Variants in ANKRD6 observed in about 807,000 individuals in gnomAD.
The protein encoded by ANKRD6 is ankyrin repeat domain 6.
A neutral mutation model predicts 82.3 loss-of-function variants in ANKRD6; 56 were observed. The ratio of observed to expected loss-of-function variants is 0.68; its 90% CI spans 0.55 to 0.85. The LOEUF (loss-of-function observed/expected upper bound fraction) is 0.85, where lower values mean the gene tolerates loss of function less well. Ranked by LOEUF, ANKRD6 falls within the 40% of genes least tolerant of loss-of-function variation. The pLI, the probability that ANKRD6 is intolerant of heterozygous loss-of-function variation, is 0.00. For missense variants in ANKRD6, 852 were observed against 907.6 expected (o/e 0.94, Z 0.79); for synonymous variants, 347 against 352.1 (o/e 0.99, Z 0.16).
At position 89,589,874 on chromosome 6, in the gene ANKRD6, C is replaced by T. The variant is rs548531310; in HGVS notation, c.121-6042C>T. On this transcript the variant is annotated intron_variant, in intron 2 of 15. Coordinates refer to ENST00000339746, the MANE Select transcript of ANKRD6 (RefSeq NM_001242809.2). ...GAAGCAAGGCCCTGAGTCTGTGCCT[C>T]TTCCTGATTGGATCAGAGGGAGATG... 1.1e-4 allele frequency among the ~76,000 whole-genome samples: 16 copies of T among 152,268 alleles called. No individual in the cohort carries two copies. In the South Asian group the frequency reaches 2.9e-3, roughly 28 times the overall value.
chr6:89,531,167 C>T (rs13209503), intron 1 of ANKRD6, among the ~76,000 whole-genome samples: 25,793 of 152,172 alleles, frequency 0.17, 2,529 homozygotes, highest in East Asian at 0.22. Flanking sequence ...TGCCAGTGCG[C>T]GGAAGGTGCG....
intron 1 of ANKRD6, among the ~76,000 whole-genome samples, chr6:89,498,394 G>A (rs1377870094): frequency 6.6e-6 from 1 of 152,016 alleles, no homozygotes; most frequent in Admixed American, 6.6e-5. Context: ...TATGTTTAAG[G>A]CACTACCTAT....
chr6:89,618,826 T>C (rs887219242), intron 9 of ANKRD6, among the ~76,000 whole-genome samples: 3 of 152,250 alleles, frequency 2.0e-5, no homozygotes, highest in Non-Finnish European at 4.4e-5. Flanking sequence ...ATTATTTTTG[T>C]TGCTATTAAT....
chr6:89,624,056 A>G lies in ANKRD6; in HGVS notation c.1217A>G (p.Gln406Arg), dbSNP rs1804663914. The change falls in exon 12 of 16, where the codon CAG becomes CGG. Residue 406 changes from glutamine (Q) to arginine (R), a missense_variant and splice_region_variant. By Grantham distance (43) the Gln-to-Arg change is conservative. Transcript: ENST00000339746. ...CGGGGCAAGGATGGGAAAGTGATGC[A>G]GGTACCTGCAAAGCAGTGTCAGGAG... ...LYRGKDGKVM[Q>R]APINGCRCEP... The G allele has an allele frequency of 6.2e-7, 1 of 1,607,852 alleles. No individual in the cohort carries two copies. Among genetic ancestry groups the G allele is most frequent in the Admixed American group, 1.7e-5 (1 of 58,946 alleles).
chr6:89,462,233 AAATAATAATAAT>A (rs200608840), intron 1 of ANKRD6, among the ~76,000 whole-genome samples: 4 of 106,036 alleles, frequency 3.8e-5, no homozygotes, highest in Non-Finnish European at 5.9e-5. Context: ...CTCCATCTCA[AAATAATAATAAT>A]AATAATAATA....
At chr6:89,614,620 T>C (rs79069488) in intron 7 of ANKRD6, among the ~76,000 whole-genome samples, 6,167 of 152,228 alleles carry the variant, frequency 0.041, 207 homozygotes, top group South Asian at 0.15. Context: ...TACTACAACC[T>C]GGGCAACAGA....
chr6:89,554,888 G>C (rs1386644917), intron 1 of ANKRD6, among the ~76,000 whole-genome samples: 2 of 152,150 alleles, frequency 1.3e-5, no homozygotes, highest in Non-Finnish European at 2.9e-5. Flanking sequence ...ATAACTTCTT[G>C]TTCTCAAAAG....
At chr6:89,519,729 C>A (rs1336997638) in intron 1 of ANKRD6, among the ~76,000 whole-genome samples, 2 of 152,146 alleles carry the variant, frequency 1.3e-5, no homozygotes, top group African/African-American at 2.4e-5. Context: ...ATTTTAAATT[C>A]TTGATAAATG....
In ANKRD6 at chr6:89,626,946, T is replaced by C. The variant is rs1273421331; in HGVS notation, c.1372-637T>C. 5.9e-5 allele frequency among the ~76,000 whole-genome samples: 9 copies of C among 152,368 alleles called. No individual in the cohort carries two copies. The East Asian group carries it at 1.3e-3, about 23-fold the overall frequency. On this transcript the variant is annotated intron_variant, in intron 13 of 15. Transcript: ENST00000339746. The stretch of plus-strand genomic sequence containing the variant: ...GATAAAAGCTCATTTTACTGCCTTG[T>C]AGGCAACCACTAACATTTTTTAAAG...
intron 1 of ANKRD6, among the ~76,000 whole-genome samples, chr6:89,437,059 T>C (rs541629957): frequency 1.2e-4 from 18 of 152,326 alleles, no homozygotes; most frequent in South Asian, 2.1e-4. Context: ...CCCAAAATTA[T>C]GTATAAGTAT....
rs77137840 is a variant in ANKRD6 at position 89,584,142 on chromosome 6, G to A, written c.121-11774G>A. Among the ~76,000 whole-genome samples the A allele has an allele frequency of 2.1e-3, 317 of 152,300 alleles. 2 individuals are homozygous for A. The highest frequency in any genetic ancestry group is 3.5e-3 in the Non-Finnish European group (237 of 68,032). ...TATTGTGGCACAGCTGGGTGTCAGC[G>A]TTTAAAAATCCTCCCTAAATACCTG... On this transcript the variant is annotated intron_variant, in intron 2 of 15. Coordinates refer to ENST00000339746, the MANE Select transcript of ANKRD6 (RefSeq NM_001242809.2).
chr6:89,608,683 T>G (rs746979246), intron 5 of ANKRD6, among the ~76,000 whole-genome samples: 1 of 152,126 alleles, frequency 6.6e-6, no homozygotes, highest in Non-Finnish European at 1.5e-5. Context: ...GAGAGCATAG[T>G]TAAGCAAGCC....
chr6:89,585,620 T>C (rs1046569632), intron 2 of ANKRD6, among the ~76,000 whole-genome samples: 1 of 152,216 alleles, frequency 6.6e-6, no homozygotes, highest in East Asian at 1.9e-4. Context: ...TAGAAAGTAC[T>C]AGGGCCGGCC....
intron 1 of ANKRD6, among the ~76,000 whole-genome samples, chr6:89,480,885 T>C (rs1164343854): frequency 2.3e-5 from 3 of 130,976 alleles, no homozygotes; most frequent in Non-Finnish European, 4.6e-5. Context: ...GAGGCTACAG[T>C]GAGCCATCAT....
chr6:89,584,413 TTTTC>T (rs1793268028), intron 2 of ANKRD6, among the ~76,000 whole-genome samples: 1 of 152,250 alleles, frequency 6.6e-6, no homozygotes, highest in Non-Finnish European at 1.5e-5. Context: ...CTTCTTTTTC[TTTTC>T]TTTCTTTTAA....
At chr6:89,622,108 ACCT>A in intron 10 of ANKRD6, 82 bp downstream of exon 10, 2 of 1,302,156 alleles carry the variant, frequency 1.5e-6, no homozygotes, top group South Asian at 2.7e-5. Flanking sequence ...GGCCAGGTTC[ACCT>A]GGTGGCTGCC....
At position 89,555,062 on chromosome 6, in the gene ANKRD6, C is replaced by G. The variant is rs375427242; in HGVS notation, c.-143-11772C>G. ...GCTTTCTCTCCATCCTCTCCTCCCC[C>G]CCTTCTCTTCTCATCCTCTCCTCCC... On this transcript the variant is annotated intron_variant, in intron 1 of 15. Coordinates refer to ENST00000339746, the MANE Select transcript of ANKRD6 (RefSeq NM_001242809.2). 2.5e-4 allele frequency among the ~76,000 whole-genome samples: 28 copies of G among 113,756 alleles called. No individual in the cohort carries two copies. The East Asian group carries it at 8.0e-3, about 32-fold the overall frequency. 74.6% of individuals were successfully genotyped at this position (113,756 alleles called of 152,430 possible).
At chr6:89,448,072 T>C (rs1772329081) in intron 1 of ANKRD6, among the ~76,000 whole-genome samples, 1 of 152,268 alleles carries the variant, frequency 6.6e-6, no homozygotes, top group South Asian at 2.1e-4. Context: ...TAGGAGCTAA[T>C]GCAACTGATG....
Position 89,632,529 on chromosome 6 carries a change from G to T in ANKRD6, c.*1525G>T, listed in dbSNP as rs1432872951. ...GGCCTCTCAGGCTCGTGATCCTCCT[G>T]CCTCAACCTCGCAAGTAGCTTGGGA... On this transcript the variant is annotated 3_prime_UTR_variant, in exon 16 of 16. Transcript: ENST00000339746. 1 of 152,150 alleles carries T rather than the reference G, an allele frequency of 6.6e-6. No individual in the cohort carries two copies. Among genetic ancestry groups the T allele is most frequent in the Non-Finnish European group, 1.5e-5 (1 of 68,050 alleles). The allele number at this position is 152,150 out of a possible 1,614,324, so 9.4% of individuals were successfully genotyped here. A position where few individuals can be genotyped will look rare whatever the true frequency, so the allele number is the denominator to read the frequency against.
Sources: gnomAD v4.1 joint callset for allele counts (sites outside exome capture counted in the v4.1 genomes callset) on GRCh38, gnomAD v4.1.1 for gene constraint, MANE v1.5 for transcripts, NCBI Gene and HGNC (gene_info 2026-07-23, HGNC 2026-07-21) for gene names.